The following OSBPL6 variants were observed in gnomAD, a reference collection of about 807,000 sequenced individuals.
OSBPL6 encodes the protein oxysterol binding protein like 6.
OSBPL6 carries 49 observed loss-of-function variants against 125.8 expected under a neutral mutation model. That is an observed-to-expected ratio of 0.39 (90% CI 0.31 to 0.49). The LOEUF is 0.49. OSBPL6 is among the 20% of genes least tolerant of loss of function. OSBPL6 has a pLI of 0.88. For synonymous variants in OSBPL6, 394 were observed against 391.8 expected, an observed-to-expected ratio of 1.01 and a Z score of -0.07; for missense variants, 986 against 1,135.4, an observed-to-expected ratio of 0.87 and a Z score of 1.89.
chr2:178,204,025 C>CT (rs1166160655), intron 1 of OSBPL6, among the ~76,000 whole-genome samples: 12,248 of 128,952 alleles, frequency 0.095, 767 homozygotes, highest in African/African-American at 0.17. Flanking sequence ...TTTTCTTTTT[C>CT]TTTTTTTTTT....
chr2:178,320,316 A>C, intron 3 of OSBPL6: 2 of 1,612,630 alleles, frequency 1.2e-6, no homozygotes, highest in Non-Finnish European at 1.7e-6. Flanking sequence ...ACCAAATTAA[A>C]GAGCTACAGT....
At chr2:178,240,678 G>A (rs567434385) in intron 1 of OSBPL6, among the ~76,000 whole-genome samples, 6 of 152,148 alleles carry the variant, frequency 3.9e-5, no homozygotes, top group African/African-American at 7.2e-5. Flanking sequence ...GCTTGAGCCC[G>A]GGAGGCAGAG....
chr2:178,395,700 C>G lies in OSBPL6; in HGVS notation c.*141C>G. On this transcript the variant is annotated 3_prime_UTR_variant, in exon 25 of 25. Transcript: ENST00000190611. ...CTTTTCTATTCATCTTTATAATGGA[C>G]TTTCAGAAGTGCATTAGACAAGGCC... The G allele has an allele frequency of 1.9e-6, 1 of 536,374 alleles. No individual in the cohort carries two copies. The highest frequency in any genetic ancestry group is 3.3e-6 in the Non-Finnish European group (1 of 306,274). 33.2% of individuals were successfully genotyped at this position (536,374 alleles called of 1,614,324 possible).
chr2:178,204,179 A>C (rs2153941985), intron 1 of OSBPL6, among the ~76,000 whole-genome samples: 1 of 152,110 alleles, frequency 6.6e-6, no homozygotes, highest in Admixed American at 6.5e-5. Flanking sequence ...GCATGCCACC[A>C]CACCCAGGTA....
At chr2:178,236,043 C>CT (rs563516017) in intron 1 of OSBPL6, among the ~76,000 whole-genome samples, 11 of 151,234 alleles carry the variant, frequency 7.3e-5, no homozygotes, top group Non-Finnish European at 1.3e-4. Context: ...ACAAGTTAGA[C>CT]TTTTTTTTTA....
intron 1 of OSBPL6, among the ~76,000 whole-genome samples, chr2:178,269,778 C>A (rs1001575903): frequency 6.6e-6 from 1 of 152,074 alleles, no homozygotes; most frequent in Non-Finnish European, 1.5e-5. Flanking sequence ...TATAGGCATT[C>A]GGTCAGTATT....
intron 5 of OSBPL6, among the ~76,000 whole-genome samples, chr2:178,330,287 A>G (rs769897008): frequency 1.4e-4 from 22 of 152,246 alleles, no homozygotes; most frequent in Admixed American, 3.3e-4. Flanking sequence ...TAGCACTTTC[A>G]GTCCATGTTT....
chr2:178,383,001 C>A (rs1212358062), intron 16 of OSBPL6, 23 bp from the exon 17 acceptor site: 1 of 1,612,816 alleles, frequency 6.2e-7, no homozygotes. Context: ...AAGTGTCCTT[C>A]ACTGTGACTC....
At chr2:178,349,446 T>C (rs1289503864) in intron 12 of OSBPL6, 57 bp downstream of exon 12, 16 of 1,547,132 alleles carry the variant, frequency 1.0e-5, no homozygotes, top group Non-Finnish European at 8.8e-6. Flanking sequence ...TGAAAGATTA[T>C]CCTTTGTTCT....
intron 2 of OSBPL6, among the ~76,000 whole-genome samples, chr2:178,302,089 A>G (rs1395062661): frequency 6.6e-6 from 1 of 152,158 alleles, no homozygotes; most frequent in African/African-American, 2.4e-5. Flanking sequence ...TTGAACAGCA[A>G]GTTCTAGAAG....
At chr2:178,282,745 G>C (rs1434357117) in intron 1 of OSBPL6, among the ~76,000 whole-genome samples, 1 of 152,114 alleles carries the variant, frequency 6.6e-6, no homozygotes, top group South Asian at 2.1e-4. Context: ...TCTACCTCCC[G>C]GTTTCAAGCG....
At chr2:178,335,813 C>CT (rs1383518163) in intron 8 of OSBPL6, among the ~76,000 whole-genome samples, 1 of 151,992 alleles carries the variant, frequency 6.6e-6, no homozygotes, top group Non-Finnish European at 1.5e-5. Flanking sequence ...CCATGACTGC[C>CT]TTTTTATAAA....
At chr2:178,211,342 AC>A (rs2089849843) in intron 1 of OSBPL6, among the ~76,000 whole-genome samples, 1 of 152,044 alleles carries the variant, frequency 6.6e-6, no homozygotes, top group Non-Finnish European at 1.5e-5. Flanking sequence ...TAATCCTAAA[AC>A]CCCTGTATGC....
intron 13 of OSBPL6, among the ~76,000 whole-genome samples, chr2:178,366,157 G>T (rs1452627541): frequency 6.6e-6 from 1 of 152,202 alleles, no homozygotes; most frequent in Non-Finnish European, 1.5e-5. Flanking sequence ...CTCCCGAAGT[G>T]CTGGGATTAT....
intron 1 of OSBPL6, among the ~76,000 whole-genome samples, chr2:178,283,660 G>A (rs1450995390): frequency 6.6e-6 from 1 of 152,150 alleles, no homozygotes; most frequent in Non-Finnish European, 1.5e-5. Context: ...CCTGAGGGTG[G>A]GTAATTTGTA....
chr2:178,211,764 C>A (rs1051438949), intron 1 of OSBPL6, among the ~76,000 whole-genome samples: 2 of 152,150 alleles, frequency 1.3e-5, no homozygotes, highest in African/African-American at 4.8e-5. Context: ...CAGCTCGGAG[C>A]CACATGAGCC....
chr2:178,388,451 C>T (rs118145527), intron 20 of OSBPL6, among the ~76,000 whole-genome samples: 1 of 152,282 alleles, frequency 6.6e-6, no homozygotes, highest in East Asian at 1.9e-4. Context: ...GGCTCTGCCT[C>T]ATCACACCTT....
rs1452410689 is a variant in OSBPL6 at position 178,401,316 on chromosome 2, T to A, written c.*5757T>A. 1 of 152,244 alleles carries A rather than the reference T, an allele frequency of 6.6e-6. No homozygotes were observed. The highest frequency in any genetic ancestry group is 1.5e-5 in the Non-Finnish European group (1 of 68,054). The allele number at this position is 152,244 out of a possible 1,614,324, so 9.4% of individuals were successfully genotyped here. The stretch of plus-strand genomic sequence containing the variant: ...TGTCACAAACATTTGAAACACCCAG[T>A]GCTCAAGAATGCTGCTTTTCCAATT... On this transcript the variant is annotated 3_prime_UTR_variant, in exon 25 of 25. Transcript: ENST00000190611.
chr2:178,240,991 T>C (rs1323015937), intron 1 of OSBPL6, among the ~76,000 whole-genome samples: 1 of 152,174 alleles, frequency 6.6e-6, no homozygotes, highest in Non-Finnish European at 1.5e-5. Flanking sequence ...AATAATGTGA[T>C]AACAATGGAC....
Sources: gnomAD v4.1 joint callset for allele counts (sites outside exome capture counted in the v4.1 genomes callset) on GRCh38, gnomAD v4.1.1 for gene constraint, MANE v1.5 for transcripts, NCBI Gene and HGNC (gene_info 2026-07-23, HGNC 2026-07-21) for gene names.